DEPDC5: variants seen among roughly 807,000 people sequenced by gnomAD.
DEPDC5 encodes GATOR1 complex protein DEPDC5.
In DEPDC5, 73 loss-of-function variants were observed where a neutral mutation model predicts 217.3. That is an observed-to-expected ratio of 0.34 (90% CI 0.28 to 0.41). DEPDC5 has a LOEUF of 0.41. Among genes scored for constraint, DEPDC5 ranks in the 10% least tolerant of loss-of-function variants. The pLI, the probability that DEPDC5 is intolerant of heterozygous loss-of-function variation, is 1.00. For missense variants in DEPDC5, 1,675 were observed against 2,070.1 expected (o/e 0.81, Z 3.70); for synonymous variants, 733 against 756.7 (o/e 0.97, Z 0.51).
At chr22:31,869,639 T>C (rs1303911557) in intron 33 of DEPDC5, among the ~76,000 whole-genome samples, 1 of 150,258 alleles carries the variant, frequency 6.7e-6, no homozygotes, top group Non-Finnish European at 1.5e-5. Context: ...CAGGGCGATA[T>C]GGGGCACATA....
rs540517008 is a variant in DEPDC5, at chr22:31,784,757, A to G, written c.563-57A>G. On this transcript the variant is annotated intron_variant, in intron 9 of 42. Coordinates refer to ENST00000651528, the MANE Select transcript of DEPDC5 (RefSeq NM_001242896.3). ...AGAAGAAATTAGAGAAGAAATTGCA[A>G]GCAAGAAATAAAGATTGTTCTCATG... The G allele has an allele frequency of 8.8e-4, 1,354 of 1,542,614 alleles. 1 individual carries two copies. The highest frequency in any genetic ancestry group is 1.0e-3 in the Non-Finnish European group (1,117 of 1,121,502).
Position 31,777,510 on chromosome 22 carries a change from G to A in DEPDC5, c.414-589G>A, listed in dbSNP as rs904334243. Among the ~76,000 whole-genome samples the A allele has an allele frequency of 4.0e-5, 6 of 150,976 alleles. No homozygotes were observed. The East Asian group carries it at 9.7e-4, about 24-fold the overall frequency. On this transcript the variant is annotated intron_variant, in intron 7 of 42. Coordinates refer to ENST00000651528, the MANE Select transcript of DEPDC5 (RefSeq NM_001242896.3). ...CTCCTGACCTCGTGATCTGCCCTCC[G>A]TGGCCTCCCAAAGTGCTGGGATTAC... is the stretch of plus-strand genomic sequence containing the variant.
At position 31,754,889 on chromosome 22, in the gene DEPDC5, G is replaced by A. The variant is rs752836061; in HGVS notation, c.-33G>A. ...AGGCAAGATGACTTCTCTGCCCCAA[G>A]CTTGGAACAGCTAAAGGGAAAAACA... On this transcript the variant is annotated 5_prime_UTR_variant, in exon 2 of 43. Coordinates refer to ENST00000651528, the MANE Select transcript of DEPDC5 (RefSeq NM_001242896.3). 6.2e-6 allele frequency: 10 copies of A among 1,613,564 alleles called. No individual in the cohort carries two copies. The highest frequency in any genetic ancestry group is 3.3e-4 in the Middle Eastern group (2 of 6,084).
chr22:31,847,593 A>G (rs2091815254), intron 31 of DEPDC5, among the ~76,000 whole-genome samples: 1 of 152,184 alleles, frequency 6.6e-6, no homozygotes, highest in African/African-American at 2.4e-5. Flanking sequence ...TTATAAAACC[A>G]TCACATCTCG....
In DEPDC5 at chr22:31,754,919, A is replaced by G; in HGVS notation, c.-3A>G. The G allele has an allele frequency of 1.2e-6, 2 of 1,614,218 alleles. No homozygotes were observed. Among genetic ancestry groups the G allele is most frequent in the South Asian group, 2.2e-5 (2 of 91,084 alleles). The stretch of plus-strand genomic sequence containing the variant: ...GAACAGCTAAAGGGAAAAACAGTGC[A>G]AGATGAGAACAACAAAGGTCTACAA... On this transcript the variant is annotated 5_prime_UTR_variant, in exon 2 of 43. Transcript: ENST00000651528.
chr22:31,776,976 T>G (rs1303277011), intron 7 of DEPDC5, among the ~76,000 whole-genome samples: 3 of 151,896 alleles, frequency 2.0e-5, no homozygotes, highest in Admixed American at 2.0e-4. Flanking sequence ...ATTATTTTTT[T>G]TTTTGAGACA....
intron 37 of DEPDC5, among the ~76,000 whole-genome samples, chr22:31,877,623 G>C (rs541740629): frequency 7.0e-6 from 1 of 143,262 alleles, no homozygotes; most frequent in South Asian, 2.2e-4. Context: ...GGTGGTGGCC[G>C]CCTGTAATCC....
intron 30 of DEPDC5, among the ~76,000 whole-genome samples, chr22:31,845,540 G>C (rs1358391904): frequency 6.6e-6 from 1 of 152,124 alleles, no homozygotes. Context: ...GTGACTGGGT[G>C]CTGAACCTCT....
chr22:31,897,516 G>C lies in DEPDC5; in HGVS notation c.4238G>C (p.Gly1413Ala). The C allele has an allele frequency of 6.2e-7, 1 of 1,613,950 alleles. No individual in the cohort carries two copies. Among genetic ancestry groups the C allele is most frequent in the African/African-American group, 1.3e-5 (1 of 75,012 alleles). ...TGGCATCGGAAAGCCACCTCCTGTG[G>C]CTTCTTGTTAGTCCCAGTTTTGGAG... is the stretch of plus-strand genomic sequence containing the variant. ...QGWHRKATSC[G>A]FLLVPVLEGP... Residue 1413 changes from glycine (G) to alanine (A), a missense_variant, in exon 40 of 43, where the codon GGC (glycine) becomes GCC (alanine). Gly to Ala is a moderately conservative substitution (Grantham distance 60). Around this residue, in one of 11 missense-constraint regions of DEPDC5, gnomAD observed 182 missense variants for 290.1 expected, o/e 0.63. Transcript: ENST00000651528.
chr22:31,797,497 C>A (rs1342300958), intron 12 of DEPDC5, 103 bp from the exon 13 acceptor site: 4 of 919,252 alleles, frequency 4.4e-6, no homozygotes, highest in Non-Finnish European at 3.5e-6. Context: ...AGGTTCCTCC[C>A]TCGACACATG....
chr22:31,836,766 T>A (rs1050671216), intron 25 of DEPDC5: 1 of 561,016 alleles, frequency 1.8e-6, no homozygotes, highest in Non-Finnish European at 3.2e-6. Context: ...TGGGATTGGA[T>A]AAGCATGTGC....
chr22:31,756,525 C>G (rs565815764), intron 2 of DEPDC5, among the ~76,000 whole-genome samples: 1 of 152,164 alleles, frequency 6.6e-6, no homozygotes, highest in African/African-American at 2.4e-5. Flanking sequence ...GAAAAGAATA[C>G]AAGGATACAG....
chr22:31,800,088 A>G (rs780907097), intron 14 of DEPDC5, among the ~76,000 whole-genome samples: 11 of 152,248 alleles, frequency 7.2e-5, no homozygotes, highest in Non-Finnish European at 1.3e-4. Context: ...GGTGTGAGCC[A>G]CTGCACCTGG....
rs17761473 is a variant in DEPDC5 at position 31,821,176 on chromosome 22, C to T, written c.1871-326C>T. Reference sequence around the variant, plus strand: ...GTGTTTCACTTGTATTTCCCTCTTACTGAGTTTGTGTTAGCCCTCCTGGCA... The same window carrying T: ...GTGTTTCACTTGTATTTCCCTCTTATTGAGTTTGTGTTAGCCCTCCTGGCA... On this transcript the variant is annotated intron_variant, in intron 22 of 42. Transcript: ENST00000651528. Among the ~76,000 whole-genome samples, 10,404 of 152,312 alleles carry T rather than the reference C, an allele frequency of 0.068. 435 individuals carry two copies. Among genetic ancestry groups the T allele is most frequent in the South Asian group, 0.18 (858 of 4,828 alleles).
intron 7 of DEPDC5, among the ~76,000 whole-genome samples, chr22:31,776,004 G>A (rs1262096140): frequency 1.5e-5 from 2 of 136,818 alleles, no homozygotes; most frequent in Non-Finnish European, 3.1e-5. Context: ...TCGCACCACT[G>A]CACTCCAGAC....
At chr22:31,777,013 A>G (rs1224547035) in intron 7 of DEPDC5, among the ~76,000 whole-genome samples, 1 of 151,644 alleles carries the variant, frequency 6.6e-6, no homozygotes, top group Non-Finnish European at 1.5e-5. Flanking sequence ...CCCAGGCTGG[A>G]GTGCAGTGGT....
intron 8 of DEPDC5, among the ~76,000 whole-genome samples, chr22:31,783,671 A>G (rs1463092409): frequency 6.6e-6 from 1 of 152,114 alleles, no homozygotes; most frequent in African/African-American, 2.4e-5. Flanking sequence ...TCCTGTCTCA[A>G]AACAAAGGAA....
At chr22:31,890,127 T>C (rs1013992760) in intron 38 of DEPDC5, among the ~76,000 whole-genome samples, 1 of 152,138 alleles carries the variant, frequency 6.6e-6, no homozygotes, top group African/African-American at 2.4e-5. Context: ...TCCTTTCTCA[T>C]CCATGCTTCA....
At chr22:31,818,892 A>G in intron 21 of DEPDC5, 130 bp from the exon 22 acceptor site, 1 of 895,256 alleles carries the variant, frequency 1.1e-6, no homozygotes, top group Middle Eastern at 2.5e-4. Flanking sequence ...AGTTTTGCTC[A>G]TTTCTCTCAC....
Sources: allele counts gnomAD v4.1 joint callset (sites outside exome capture counted in the v4.1 genomes callset), GRCh38; gene constraint gnomAD v4.1.1; regional missense constraint gnomAD v4.1.1; transcripts MANE v1.5; gene names NCBI Gene and HGNC (gene_info 2026-07-23, HGNC 2026-07-21).